The following C16orf89 variants were observed in gnomAD, a reference collection of about 807,000 sequenced individuals.
C16orf89 encodes the protein chromosome 16 open reading frame 89.
C16orf89 carries 57 observed loss-of-function variants against 41.5 expected under a neutral mutation model. The ratio of observed to expected loss-of-function variants is 1.38; its 90% CI spans 1.11 to 1.71. The LOEUF (loss-of-function observed/expected upper bound fraction) is 1.71. Among genes scored for constraint, C16orf89 ranks in the 40% most tolerant of loss-of-function variants. The pLI is 0.00. For missense variants in C16orf89, 575 were observed against 445.9 expected (o/e 1.29, Z -2.61); for synonymous variants, 223 against 190.6 (o/e 1.17, Z -1.40).
intron 6 of C16orf89, 42 bp downstream of exon 6, chr16:5,055,204 C>G (rs752284536): frequency 6.7e-6 from 10 of 1,502,594 alleles, no homozygotes; most frequent in Non-Finnish European, 9.1e-6. Flanking sequence ...CACCCCCACC[C>G]CCACTGCCCC....
At position 5,044,323 on chromosome 16, in the gene C16orf89, G is replaced by T. The variant is rs577905161; in HGVS notation, c.*25C>A. 12 of 1,577,678 alleles carry T rather than the reference G, an allele frequency of 7.6e-6. No homozygotes were observed. In the African/African-American group the frequency reaches 8.1e-5, roughly 11 times the overall value. ...ACTAAAGGGGTCTGTTCCTCCTCCA[G>T]GCAGCTGGCATGGAACCGTCCGTCT... On this transcript the variant is annotated 3_prime_UTR_variant, in exon 8 of 8. Coordinates refer to ENST00000472572, the MANE Select transcript of C16orf89 (RefSeq NM_001098514.3).
intron 5 of C16orf89, 115 bp from the exon 6 acceptor site, chr16:5,055,465 G>T: frequency 9.2e-7 from 1 of 1,084,192 alleles, no homozygotes; most frequent in Non-Finnish European, 1.3e-6. Flanking sequence ...GGCTTAGGAG[G>T]TGGGCGTTCA....
intron 3 of C16orf89, among the ~76,000 whole-genome samples, chr16:5,058,888 C>A (rs951854110): frequency 6.6e-6 from 1 of 152,088 alleles, no homozygotes; most frequent in Non-Finnish European, 1.5e-5. Context: ...TCTTTTCCAG[C>A]CCCGAACAGT....
Position 5,055,425 on chromosome 16 carries a change from G to C in C16orf89, c.764-75C>G. ...TCCTCCCACTCCCCAGGGCTGCCAC[G>C]GTGCCACCTGCCTTCATCTGCCTGG... On this transcript the variant is annotated intron_variant, in intron 5 of 7. Coordinates refer to ENST00000472572, the MANE Select transcript of C16orf89 (RefSeq NM_001098514.3). The C allele has an allele frequency of 3.7e-6, 5 of 1,334,578 alleles. No individual in the cohort carries two copies. The South Asian group carries it at 5.1e-5, about 14-fold the overall frequency. The allele number at this position is 1,334,578 out of a possible 1,614,324, so 82.7% of individuals were successfully genotyped here.
Position 5,058,517 on chromosome 16 carries a change from C to G in C16orf89, c.603G>C (p.Leu201=), listed in dbSNP as rs748533127. ...CCATTCTGGCCCAGAGGAAGAAGAGCAGTTGGTGGGACAGGCAGTAGCCTG... is the reference window on the plus strand; with the variant it reads ...CCATTCTGGCCCAGAGGAAGAAGAGGAGTTGGTGGGACAGGCAGTAGCCTG... ...GCSGYCLSHQ[L]LFFLWARMRG... is the part of the protein sequence containing the mutation. Residue 201 remains leucine (L), a synonymous_variant, in exon 4 of 8, where the codon CTG becomes CTC. Transcript: ENST00000472572. The G allele has an allele frequency of 1.9e-6, 3 of 1,610,916 alleles. No individual in the cohort carries two copies. The highest frequency in any genetic ancestry group is 2.5e-6 in the Non-Finnish European group (3 of 1,178,436).
intron 4 of C16orf89, among the ~76,000 whole-genome samples, chr16:5,057,322 A>C: frequency 6.8e-6 from 1 of 147,156 alleles, no homozygotes; most frequent in African/African-American, 2.5e-5. Context: ...ATATATATAC[A>C]TAGTGGTGTA....
chr16:5,063,171 G>C (rs2142678124), intron 1 of C16orf89, among the ~76,000 whole-genome samples: 1 of 152,308 alleles, frequency 6.6e-6, no homozygotes, highest in Non-Finnish European at 1.5e-5. Flanking sequence ...ATCCGAGTGA[G>C]AGCATTCACG....
intron 1 of C16orf89, among the ~76,000 whole-genome samples, chr16:5,062,885 T>C (rs1473199902): frequency 1.3e-5 from 2 of 152,160 alleles, no homozygotes; most frequent in African/African-American, 4.8e-5. Flanking sequence ...ATATACTTTC[T>C]TGTTGGATGG....
intron 5 of C16orf89, chr16:5,055,567 C>A: frequency 8.5e-7 from 1 of 1,180,462 alleles, no homozygotes; most frequent in South Asian, 1.5e-5. Context: ...GGGCCTTGGT[C>A]AGGGCTGCTC....
At chr16:5,060,472 G>A in intron 2 of C16orf89, 36 bp from the exon 3 acceptor site, 6 of 1,590,272 alleles carry the variant, frequency 3.8e-6, no homozygotes, top group Non-Finnish European at 4.3e-6. Flanking sequence ...GTGGGGTGTG[G>A]GGGTGACCCA....
At chr16:5,060,858 G>A (rs977326034) in intron 2 of C16orf89, among the ~76,000 whole-genome samples, 3 of 151,584 alleles carry the variant, frequency 2.0e-5, no homozygotes, top group Admixed American at 6.6e-5. Flanking sequence ...AAGTAGCCAG[G>A]TGTGGTGGTG....
downstream of C16orf89, chr16:5,043,812 G>GAGTTC (rs1191715915): frequency 2.6e-5 from 4 of 152,316 alleles, no homozygotes; most frequent in African/African-American, 9.7e-5. Context: ...TTGAGGCCGG[G>GAGTTC]AGTTCGAGAC....
Position 5,052,757 on chromosome 16 carries a change from T to A in C16orf89, c.868+2489A>T, listed in dbSNP as rs1351830010. ...AGCTAAAAATAGGACTATCATATGA[T>A]CCAGCAATCCCACTACTGGATATTT... On this transcript the variant is annotated intron_variant, in intron 6 of 7. Transcript: ENST00000472572. 3.3e-5 allele frequency among the ~76,000 whole-genome samples: 5 copies of A among 152,260 alleles called. No individual in the cohort carries two copies. In the East Asian group the frequency reaches 9.6e-4, roughly 29 times the overall value.
intron 2 of C16orf89, among the ~76,000 whole-genome samples, chr16:5,060,721 C>T (rs948723642): frequency 6.6e-6 from 1 of 152,078 alleles, no homozygotes; most frequent in Non-Finnish European, 1.5e-5. Context: ...GTTTAGTTTC[C>T]CAGGTGCAGG....
rs546403193 is a variant in C16orf89, at chr16:5,064,744, C to T, written c.208+957G>A. Among the ~76,000 whole-genome samples, 6 of 152,228 alleles carry T rather than the reference C, an allele frequency of 3.9e-5. No individual in the cohort carries two copies. The South Asian group carries it at 8.3e-4, about 21-fold the overall frequency. On this transcript the variant is annotated intron_variant, in intron 1 of 7. Transcript: ENST00000472572. ...AAGGGGCAGTGGATGTGGGATGTGG[C>T]GTGGGTGGAGAAGCCGGGCTCACTG...
intron 6 of C16orf89, among the ~76,000 whole-genome samples, chr16:5,053,131 A>C (rs541740917): frequency 3.3e-4 from 50 of 152,250 alleles, no homozygotes; most frequent in Non-Finnish European, 6.2e-4. Context: ...GCACTTTGGG[A>C]GGCCGAGGTG....
At chr16:5,059,879 G>T (rs1956580434) in intron 3 of C16orf89, among the ~76,000 whole-genome samples, 1 of 152,034 alleles carries the variant, frequency 6.6e-6, no homozygotes, top group Non-Finnish European at 1.5e-5. Context: ...CAGCCCTGGA[G>T]GATGGGCAGA....
In C16orf89 at chr16:5,055,263, C is replaced by T. The variant is rs1480539290; in HGVS notation, c.851G>A (p.Gly284Glu). The change falls in exon 6 of 8, where the codon GGA becomes GAA. Residue 284 changes from glycine (G) to glutamate (E), a missense_variant. Physicochemically the swap from Gly to Glu is moderately conservative, Grantham distance 98. Transcript: ENST00000472572. Reference sequence around the variant, plus strand: ...CAGCTCACCAGGCTCCCCGAAGCATCCTTCCTGCTGTTTCTGCCAGCTGAG... The same window carrying T: ...CAGCTCACCAGGCTCCCCGAAGCATTCTTCCTGCTGTTTCTGCCAGCTGAG... ...AILSWQKQQE[G>E]CFGEPDAEDE... 6.2e-7 allele frequency: 1 copy of T among 1,612,104 alleles called. No individual in the cohort carries two copies. Among genetic ancestry groups the T allele is most frequent in the African/African-American group, 1.3e-5 (1 of 74,818 alleles).
chr16:5,052,601 AAG>A (rs1210902679), intron 6 of C16orf89, among the ~76,000 whole-genome samples: 2 of 115,366 alleles, frequency 1.7e-5, no homozygotes, highest in Non-Finnish European at 3.7e-5. Context: ...AAAAGAAAGA[AAG>A]AAAAAAAAAA....
Sources: allele counts gnomAD v4.1 joint callset (sites outside exome capture counted in the v4.1 genomes callset), GRCh38; gene constraint gnomAD v4.1.1; transcripts MANE v1.5; gene names NCBI Gene and HGNC (gene_info 2026-07-23, HGNC 2026-07-21).